PKP2: variants seen among roughly 807,000 people sequenced by gnomAD.
PKP2 encodes the protein plakophilin-2.
Under a neutral mutation model 83.4 loss-of-function variants are expected in PKP2, and 73 were observed. That is an observed-to-expected ratio of 0.88 (90% CI 0.72 to 1.06). The LOEUF (loss-of-function observed/expected upper bound fraction) is 1.06, where lower values mean the gene tolerates loss of function less well. Ranked by LOEUF, PKP2 falls within the 50% of genes least tolerant of loss-of-function variation. The pLI, the probability that PKP2 is intolerant of heterozygous loss-of-function variation, is 0.00. For synonymous variants in PKP2, 409 were observed against 430.4 expected, an observed-to-expected ratio of 0.95 and a Z score of 0.62; for missense variants, 966 against 1,065.4, an observed-to-expected ratio of 0.91 and a Z score of 1.30.
At chr12:32,849,005 TAAA>T (rs397850139) in intron 5 of PKP2, among the ~76,000 whole-genome samples, 1 of 122,972 alleles carries the variant, frequency 8.1e-6, no homozygotes, top group Non-Finnish European at 1.7e-5. Context: ...ATTACACAGT[TAAA>T]AAAAAAAAAA....
At chr12:32,845,277 C>T (rs980649565) in intron 5 of PKP2, among the ~76,000 whole-genome samples, 7 of 152,124 alleles carry the variant, frequency 4.6e-5, no homozygotes, top group East Asian at 1.9e-4. Context: ...CTCGGCTGGG[C>T]GCGGTGGCTC....
chr12:32,829,655 C>CTTTTA (rs565650256), intron 6 of PKP2, among the ~76,000 whole-genome samples: 5 of 149,798 alleles, frequency 3.3e-5, no homozygotes, highest in Non-Finnish European at 5.9e-5. Context: ...TGGGACCAGT[C>CTTTTA]TTTTATTTTA....
intron 1 of PKP2, among the ~76,000 whole-genome samples, chr12:32,880,167 C>T (rs1956972486): frequency 6.6e-6 from 1 of 151,234 alleles, no homozygotes; most frequent in Non-Finnish European, 1.5e-5. Context: ...CTTTGGGAGG[C>T]CGAGGTGGGC....
intron 5 of PKP2, among the ~76,000 whole-genome samples, chr12:32,842,367 C>A (rs1005263694): frequency 6.6e-6 from 1 of 152,064 alleles, no homozygotes; most frequent in African/African-American, 2.4e-5. Context: ...CTCAGCCTCC[C>A]AAGTAGCTGG....
chr12:32,847,238 C>T lies in PKP2; in HGVS notation c.1378+3528G>A, dbSNP rs531071864. The stretch of plus-strand genomic sequence containing the variant: ...TGAGGCCCAGAAAGCCCTTATTTAG[C>T]TCTTCTATTAGTAGAGCCAAAGGGA... On this transcript the variant is annotated intron_variant, in intron 5 of 12. Transcript: ENST00000340811. 3.9e-5 allele frequency among the ~76,000 whole-genome samples: 6 copies of T among 152,288 alleles called. No individual in the cohort carries two copies. The East Asian group carries it at 5.8e-4, about 15-fold the overall frequency.
intron 10 of PKP2, among the ~76,000 whole-genome samples, chr12:32,801,529 AC>A (rs1408537461): frequency 6.6e-6 from 1 of 152,212 alleles, no homozygotes; most frequent in Non-Finnish European, 1.5e-5. Flanking sequence ...TTTGAAAATG[AC>A]ATTACTAAAA....
At chr12:32,808,732 G>C (rs1220874050) in intron 9 of PKP2, among the ~76,000 whole-genome samples, 1 of 152,160 alleles carries the variant, frequency 6.6e-6, no homozygotes, top group African/African-American at 2.4e-5. Flanking sequence ...TGATGTTGTT[G>C]TTGTTTTTTT....
chr12:32,839,591 A>C (rs1295430603), intron 6 of PKP2, among the ~76,000 whole-genome samples: 1 of 152,014 alleles, frequency 6.6e-6, no homozygotes, highest in Non-Finnish European at 1.5e-5. Flanking sequence ...TACTTCCTTC[A>C]CTTCCTCAAG....
intron 9 of PKP2, among the ~76,000 whole-genome samples, chr12:32,807,559 A>C (rs1956237643): frequency 6.6e-6 from 1 of 152,070 alleles, no homozygotes; most frequent in Non-Finnish European, 1.5e-5. Context: ...TGTGAATTTG[A>C]TTCTGTCATC....
chr12:32,893,415 AACC>A (rs1193606054), intron 1 of PKP2: 1 of 152,230 alleles, frequency 6.6e-6, no homozygotes. Flanking sequence ...TTATACTCAG[AACC>A]ACCACGAGCC....
rs794729114 is a variant in PKP2, at chr12:32,896,530, C to T, written c.202G>A (p.Gly68Ser). 1.9e-6 allele frequency: 3 copies of T among 1,556,132 alleles called. No individual in the cohort carries two copies. The highest frequency in any genetic ancestry group is 2.5e-5 in the East Asian group (1 of 40,600). ...EQVQQTLARKGRSSVGNGNLH... is the reference protein window; with the variant it reads ...EQVQQTLARKSRSSVGNGNLH... The stretch of plus-strand genomic sequence containing the variant: ...TCACCGTTGCCCACGGAGCTGCGGC[C>T]CTTCCGGGCGAGGGTCTGCTGCACC... Residue 68 changes from glycine (G) to serine (S), a missense_variant, in exon 1 of 13, where the codon GGC (glycine) becomes AGC (serine). Physicochemically the swap from Gly to Ser is moderately conservative, Grantham distance 56. Transcript: ENST00000340811.
At chr12:32,802,220 G>A (rs73301724) in intron 10 of PKP2, among the ~76,000 whole-genome samples, 183 bp downstream of exon 10, 1 of 151,412 alleles carries the variant, frequency 6.6e-6, no homozygotes, top group African/African-American at 2.4e-5. Context: ...AAAATCTCTG[G>A]TGAGATCCAC....
At chr12:32,802,334 C>G in intron 10 of PKP2, 69 bp downstream of exon 10, 1 of 1,497,902 alleles carries the variant, frequency 6.7e-7, no homozygotes, top group Non-Finnish European at 9.3e-7. Flanking sequence ...GGAGGTGATA[C>G]AGACAACATT....
At chr12:32,823,142 C>A (rs548095831) in intron 7 of PKP2, among the ~76,000 whole-genome samples, 1 of 152,138 alleles carries the variant, frequency 6.6e-6, no homozygotes, top group Non-Finnish European at 1.5e-5. Flanking sequence ...AGTCCAGGTG[C>A]TGTGGCTCAC....
intron 3 of PKP2, among the ~76,000 whole-genome samples, chr12:32,875,358 A>G (rs2137938598): frequency 6.6e-6 from 1 of 152,254 alleles, no homozygotes; most frequent in East Asian, 1.9e-4. Context: ...AAGGAAAGAG[A>G]GAGAGAATGA....
At chr12:32,834,976 C>CGTGTGTGTGTGTGTGT (rs10629969) in intron 6 of PKP2, among the ~76,000 whole-genome samples, 16 of 119,438 alleles carry the variant, frequency 1.3e-4, no homozygotes, top group South Asian at 6.1e-4. Context: ...TCACAATAGG[C>CGTGTGTGTGTGTGTGT]GTGTGTGTGT....
Position 32,865,026 on chromosome 12 carries a change from C to A in PKP2, c.1170+3901G>T, listed in dbSNP as rs115186087. Among the ~76,000 whole-genome samples, 1,052 of 152,214 alleles carry A rather than the reference C, an allele frequency of 6.9e-3. 7 individuals are homozygous for A. Among genetic ancestry groups the A allele is most frequent in the African/African-American group, 0.024 (990 of 41,532 alleles). On this transcript the variant is annotated intron_variant, in intron 4 of 12. Coordinates refer to ENST00000340811, the MANE Select transcript of PKP2 (RefSeq NM_001005242.3). Reference sequence around the variant, plus strand: ...GTTTTCCATGGTATCCTCAAAAAATCAATTTTCTCAAAATTCATTTAGGAA... The same window carrying A: ...GTTTTCCATGGTATCCTCAAAAAATAAATTTTCTCAAAATTCATTTAGGAA...
intron 1 of PKP2, among the ~76,000 whole-genome samples, chr12:32,888,253 A>G (rs1176468611): frequency 6.6e-6 from 1 of 152,220 alleles, no homozygotes; most frequent in African/African-American, 2.4e-5. Flanking sequence ...TTGCTGAGAT[A>G]TCTCATGAGA....
intron 5 of PKP2, among the ~76,000 whole-genome samples, chr12:32,841,813 A>G (rs1008373736): frequency 1.3e-5 from 2 of 152,204 alleles, no homozygotes; most frequent in Non-Finnish European, 2.9e-5. Context: ...TGACAGAATC[A>G]TGTCCTCCAG....
Sources: allele counts gnomAD v4.1 joint callset (sites outside exome capture counted in the v4.1 genomes callset), GRCh38; gene constraint gnomAD v4.1.1; transcripts MANE v1.5; gene names NCBI Gene and HGNC (gene_info 2026-07-23, HGNC 2026-07-21).